The following GOLGA8H variants were observed in gnomAD, a reference collection of about 807,000 sequenced individuals.
GOLGA8H encodes the protein golgin subfamily A member 8H.
Under a neutral mutation model 82.7 loss-of-function variants are expected in GOLGA8H, and 47 were observed. The observed-to-expected ratio is 0.57, with a 90% CI of 0.45 to 0.73. The LOEUF is 0.73. Ranked by LOEUF, GOLGA8H falls within the 30% of genes least tolerant of loss-of-function variation. GOLGA8H has a pLI of 0.00. For missense variants in GOLGA8H, 372 were observed against 661.0 expected, an observed-to-expected ratio of 0.56 and a Z score of 4.79; for synonymous variants, 108 against 241.6, an observed-to-expected ratio of 0.45 and a Z score of 5.13.
chr15:30,608,873 C>G, intron 8 of GOLGA8H, 117 bp downstream of exon 8: 1 of 927,682 alleles, frequency 1.1e-6, no homozygotes. Flanking sequence ...ATGGCCATTT[C>G]TTGCTACTTT....
rs1025554219 is a variant in GOLGA8H, at chr15:30,615,332, G to A, written c.*771G>A. On this transcript the variant is annotated 3_prime_UTR_variant, in exon 19 of 19. Transcript: ENST00000566740. ...TGTGCTCTGGGCTCATGAAGATACTGCATCATGAGCTGCAGCAGTTGCACT... is the reference window on the plus strand; with the variant it reads ...TGTGCTCTGGGCTCATGAAGATACTACATCATGAGCTGCAGCAGTTGCACT... 1.3e-5 allele frequency among the ~76,000 whole-genome samples: 2 copies of A among 151,892 alleles called. No homozygotes were observed. Among genetic ancestry groups the A allele is most frequent in the African/African-American group, 4.8e-5 (2 of 41,368 alleles).
intron 13 of GOLGA8H, 160 bp downstream of exon 13, chr15:30,611,506 C>G (rs1173811455): frequency 4.2e-6 from 4 of 944,846 alleles, no homozygotes; most frequent in Non-Finnish European, 5.0e-6. Flanking sequence ...TGCTTCCTGC[C>G]TCTGACTTTT....
rs2059987831 is a variant in GOLGA8H, at chr15:30,609,811, C to T, written c.597C>T (p.Ser199=). The T allele has an allele frequency of 6.5e-7, 1 of 1,542,878 alleles. No homozygotes were observed. Among genetic ancestry groups the T allele is most frequent in the Non-Finnish European group, 8.8e-7 (1 of 1,130,384 alleles). Residue 199 remains serine, a synonymous_variant, in exon 9 of 19, where the codon TCC becomes TCT. Transcript: ENST00000566740. ...ATQKKKANQL[S]SRSKARTEWK... ...TCTCACTCTTCACCATCCAGTTGTCCAGCCGCAGCAAAGCACGTACGGAGT... is the reference window on the plus strand; with the variant it reads ...TCTCACTCTTCACCATCCAGTTGTCTAGCCGCAGCAAAGCACGTACGGAGT...
chr15:30,608,444 C>G lies in GOLGA8H; in HGVS notation c.397-23C>G, dbSNP rs761484686. On this transcript the variant is annotated intron_variant, in intron 6 of 18. Coordinates refer to ENST00000566740, the MANE Select transcript of GOLGA8H (RefSeq NM_001282490.2). ...AGGTTTCTTTCCTTCTCTTTCAGCA[C>G]TTGCTTGGCTTTTCTCCCAAAGGTT... 8 of 1,607,220 alleles carry G rather than the reference C, an allele frequency of 5.0e-6. No homozygotes were observed. In the South Asian group the frequency reaches 7.7e-5, roughly 15 times the overall value.
At position 30,609,712 on chromosome 15, in the gene GOLGA8H, T is replaced by C. The variant is rs1055527124; in HGVS notation, c.592-94T>C. On this transcript the variant is annotated intron_variant, in intron 8 of 18. Transcript: ENST00000566740. ...AATGCCTTGATCTTTACTGACTGAG[T>C]TGTATATTGGGCCTAGCCCTAGTCC... is the stretch of plus-strand genomic sequence containing the variant. The C allele has an allele frequency of 4.7e-5, 72 of 1,525,816 alleles. 1 individual carries two copies. The highest frequency in any genetic ancestry group is 1.1e-4 in the African/African-American group (8 of 72,246). 94.5% of individuals were successfully genotyped at this position (1,525,816 alleles called of 1,614,324 possible).
chr15:30,610,592 C>T (rs1164561397), intron 11 of GOLGA8H, among the ~76,000 whole-genome samples, 174 bp from the exon 12 acceptor site: 1 of 150,428 alleles, frequency 6.6e-6, no homozygotes, highest in Non-Finnish European at 1.5e-5. Flanking sequence ...CCGTTGCCAG[C>T]CACCCGCAGT....
rs1025554219 is a variant in GOLGA8H, at chr15:30,615,332, G to C, written c.*771G>C. On this transcript the variant is annotated 3_prime_UTR_variant, in exon 19 of 19. Coordinates refer to ENST00000566740, the MANE Select transcript of GOLGA8H (RefSeq NM_001282490.2). The stretch of plus-strand genomic sequence containing the variant: ...TGTGCTCTGGGCTCATGAAGATACT[G>C]CATCATGAGCTGCAGCAGTTGCACT... Among the ~76,000 whole-genome samples, 2 of 152,010 alleles carry C rather than the reference G, an allele frequency of 1.3e-5. No individual in the cohort carries two copies. The highest frequency in any genetic ancestry group is 4.2e-4 in the South Asian group (2 of 4,814).
At position 30,606,130 on chromosome 15, in the gene GOLGA8H, G is replaced by A. The variant is rs1045040420; in HGVS notation, c.168+168G>A. Among the ~76,000 whole-genome samples, 20 of 151,768 alleles carry A rather than the reference G, an allele frequency of 1.3e-4. 1 individual carries two copies. The highest frequency in any genetic ancestry group is 1.2e-3 in the East Asian group (6 of 5,130). ...AGCACTTTGGGAGGCCAAGGCAGGC[G>A]GATCATGAGGTCAGGCGATCGAGAC... On this transcript the variant is annotated intron_variant, in intron 2 of 18. Coordinates refer to ENST00000566740, the MANE Select transcript of GOLGA8H (RefSeq NM_001282490.2).
Position 30,616,829 on chromosome 15 carries a change from C to G in GOLGA8H, c.*2268C>G, listed in dbSNP as rs910703771. The G allele has an allele frequency of 6.6e-6, 1 of 150,562 alleles. No individual in the cohort carries two copies. Among genetic ancestry groups the G allele is most frequent in the Non-Finnish European group, 1.5e-5 (1 of 67,776 alleles). 9.3% of individuals were successfully genotyped at this position (150,562 alleles called of 1,614,324 possible). On this transcript the variant is annotated 3_prime_UTR_variant, in exon 19 of 19. Coordinates refer to ENST00000566740, the MANE Select transcript of GOLGA8H (RefSeq NM_001282490.2). The stretch of plus-strand genomic sequence containing the variant: ...ATCGTTGAAATCACTTCACTTTTAC[C>G]CTGATAAATATCAGTGACTAGAATG...
intron 5 of GOLGA8H, 64 bp from the exon 6 acceptor site, chr15:30,608,267 C>A: frequency 2.6e-6 from 4 of 1,515,336 alleles, no homozygotes; most frequent in Non-Finnish European, 3.6e-6. Context: ...ATTCTGGGGG[C>A]ATGTCTCTTG....
chr15:30,606,356 G>GA lies in GOLGA8H; in HGVS notation c.168+406dup, dbSNP rs1243832953. 1.7e-3 allele frequency among the ~76,000 whole-genome samples: 233 copies of GA among 140,888 alleles called. 1 individual carries two copies. The highest frequency in any genetic ancestry group is 5.1e-3 in the African/African-American group (192 of 37,668). 92.4% of individuals were successfully genotyped at this position (140,888 alleles called of 152,430 possible). On this transcript the variant is annotated intron_variant, in intron 2 of 18. Transcript: ENST00000566740. ...TGACAGAGCAAGACTCTGTCTCAAA[G>GA]AAAAAAAAAAAAGGAATTCTGGATT...
intron 9 of GOLGA8H, 28 bp from the exon 10 acceptor site, chr15:30,609,971 T>C: frequency 1.2e-6 from 2 of 1,608,840 alleles, no homozygotes; most frequent in Non-Finnish European, 8.5e-7. Flanking sequence ...GTGACAGCCC[T>C]TCCTAAGTTC....
intron 5 of GOLGA8H, 78 bp downstream of exon 5, chr15:30,608,146 C>CA (rs1344509935): frequency 7.8e-7 from 1 of 1,282,758 alleles, no homozygotes; most frequent in Admixed American, 1.9e-5. Context: ...AGTCTCGTCT[C>CA]ACCCACTCCC....
chr15:30,608,347 A>C lies in GOLGA8H; in HGVS notation c.365A>C (p.Asn122Thr), dbSNP rs1403771663. 2 of 1,587,516 alleles carry C rather than the reference A, an allele frequency of 1.3e-6. No homozygotes were observed. Among genetic ancestry groups the C allele is most frequent in the Non-Finnish European group, 1.7e-6 (2 of 1,169,544 alleles). The change falls in exon 6 of 19, where the codon AAC becomes ACC. Residue 122 changes from asparagine (N) to threonine (T), a missense_variant. Asn to Thr is a moderately conservative substitution (Grantham distance 65). Transcript: ENST00000566740. ...TTCCTACAGGAAAAGAAAGCAAACA[A>C]CAAGAAACAGAAAGCCAAAAGGGTG... The part of the protein sequence containing the change: ...HQLEEEKKAN[N>T]KKQKAKRVLE...
intron 10 of GOLGA8H, 91 bp from the exon 11 acceptor site, chr15:30,610,211 C>G (rs1480042459): frequency 1.4e-6 from 2 of 1,438,890 alleles, no homozygotes; most frequent in South Asian, 1.1e-5. Flanking sequence ...TGGGTCTGGG[C>G]TTTGTGGAGG....
rs2060118243 is a variant in GOLGA8H at position 30,617,645 on chromosome 15, G to A, written c.*3084G>A. The A allele has an allele frequency of 6.6e-6, 1 of 152,110 alleles. No individual in the cohort carries two copies. The highest frequency in any genetic ancestry group is 1.5e-5 in the Non-Finnish European group (1 of 68,016). The allele number at this position is 152,110 out of a possible 1,614,324, so 9.4% of individuals were successfully genotyped here. ...GAATTTTACCAGTTTATGAATTATT[G>A]TAAACAGAATGTGTCATGGAAATAC... On this transcript the variant is annotated 3_prime_UTR_variant, in exon 19 of 19. Coordinates refer to ENST00000566740, the MANE Select transcript of GOLGA8H (RefSeq NM_001282490.2).
In GOLGA8H at chr15:30,616,987, A is replaced by C. The variant is rs1229792124; in HGVS notation, c.*2426A>C. 2.7e-5 allele frequency: 4 copies of C among 147,496 alleles called. No homozygotes were observed. In the East Asian group the frequency reaches 6.1e-4, roughly 23 times the overall value. 9.1% of individuals were successfully genotyped at this position (147,496 alleles called of 1,614,324 possible). On this transcript the variant is annotated 3_prime_UTR_variant, in exon 19 of 19. Transcript: ENST00000566740. The stretch of plus-strand genomic sequence containing the variant: ...GAAAATAAATTTACTATATTGACTG[A>C]AATACCACTCTTTGTGTAGGTATTT...
chr15:30,609,937 G>A, intron 9 of GOLGA8H, 45 bp downstream of exon 9: 1 of 1,582,396 alleles, frequency 6.3e-7, no homozygotes, highest in Non-Finnish European at 8.7e-7. Context: ...ATGACCCCAG[G>A]TGGCCAGGAG....
chr15:30,613,848 C>T lies in GOLGA8H; in HGVS notation c.1447C>T (p.His483Tyr), dbSNP rs1430714838. ...VKKKELCFIH[H>Y]WRDRCHQKTH... ...GAAAAAAGAACTCTGCTTCATCCAC[C>T]ACTGGCGAGACAGATGCCATCAGTG... The change falls in exon 16 of 19, where the codon CAC becomes TAC. Residue 483 changes from histidine (H) to tyrosine (Y), a missense_variant. Transcript: ENST00000566740. 1.9e-5 allele frequency: 31 copies of T among 1,604,570 alleles called. 1 individual carries two copies. Among genetic ancestry groups the T allele is most frequent in the Non-Finnish European group, 2.3e-5 (27 of 1,179,100 alleles).
Sources: gnomAD v4.1 joint callset for allele counts (sites outside exome capture counted in the v4.1 genomes callset) on GRCh38, gnomAD v4.1.1 for gene constraint, MANE v1.5 for transcripts, NCBI Gene and HGNC (gene_info 2026-07-23, HGNC 2026-07-21) for gene names.